NF1: variants seen among roughly 807,000 people sequenced by gnomAD.
The protein encoded by NF1 is neurofibromin.
In NF1, 122 loss-of-function variants were observed where a neutral mutation model predicts 325.7. The observed-to-expected ratio is 0.37, with a 90% CI of 0.32 to 0.44. The LOEUF is 0.44. Among genes scored for constraint, NF1 ranks in the 20% least tolerant of loss-of-function variants. The probability of loss-of-function intolerance (pLI) is 1.00; values close to 1 mark genes in which losing one functional copy is unlikely to be tolerated. For synonymous variants in NF1, 1,091 were observed against 1,186.0 expected (o/e 0.92, Z 1.65); for missense variants, 2,140 against 3,415.4 (o/e 0.63, Z 9.31).
chr17:31,353,424 G>A (rs2070201660), intron 51 of NF1, among the ~76,000 whole-genome samples: 1 of 152,158 alleles, frequency 6.6e-6, no homozygotes, highest in Admixed American at 6.5e-5. Context: ...TCGAGTCCAG[G>A]AGTTCAAGAC....
chr17:31,330,901 CA>C (rs2069468524), intron 39 of NF1: 1 of 181,054 alleles, frequency 5.5e-6, no homozygotes, highest in Non-Finnish European at 1.2e-5. Flanking sequence ...TGACTTTGAA[CA>C]ATGAATTTAT....
intron 36 of NF1, chr17:31,296,371 T>A: frequency 6.2e-7 from 1 of 1,612,686 alleles, no homozygotes; most frequent in Non-Finnish European, 8.5e-7. Flanking sequence ...TCTTTTAATA[T>A]GCAAATACAG....
At chr17:31,125,581 G>A (rs1914808202) in intron 1 of NF1, among the ~76,000 whole-genome samples, 1 of 151,682 alleles carries the variant, frequency 6.6e-6, no homozygotes, top group Non-Finnish European at 1.5e-5. Context: ...TTCTCCCCCA[G>A]GCTGGAGTGT....
intron 36 of NF1, among the ~76,000 whole-genome samples, chr17:31,322,500 T>TAAAAAAAA (rs2069231184): frequency 4.6e-5 from 1 of 21,622 alleles, no homozygotes; most frequent in Non-Finnish European, 7.0e-5. Context: ...AGACTCTGTC[T>TAAAAAAAA]CAAAAAAAAA....
intron 47 of NF1, among the ~76,000 whole-genome samples, chr17:31,341,617 G>GTGTGTGTGTGTGTA (rs35130430): frequency 0.2 from 30,255 of 148,112 alleles, 3,615 homozygotes; most frequent in Middle Eastern, 0.29. Flanking sequence ...GTGTGTGTGT[G>GTGTGTGTGTGTGTA]TGTACACACA....
rs760528229 is a variant in NF1, at chr17:31,340,535, G to T, written c.6952G>T (p.Val2318Leu). 3 of 1,614,144 alleles carry T rather than the reference G, an allele frequency of 1.9e-6. No individual in the cohort carries two copies. The highest frequency in any genetic ancestry group is 2.5e-6 in the Non-Finnish European group (3 of 1,180,018). The change falls in exon 47 of 58, where the codon GTA becomes TTA. Residue 2318 changes from valine to leucine, a missense_variant. Around this residue, in one of 10 missense-constraint regions of NF1, gnomAD observed 522 missense variants for 749.0 expected, o/e 0.70. Coordinates refer to ENST00000358273, the MANE Select transcript of NF1 (RefSeq NM_001042492.3). ...DSPLHKALFW[V>L]AVAVLQLDEV... is the part of the protein sequence containing the mutation. ...GCCTCTGCACAAAGCCCTCTTTTGG[G>T]TAGCTGTGGCTGTGCTGCAGCTTGA...
At chr17:31,248,220 C>CCCCCAA (rs2067432337) in intron 29 of NF1, among the ~76,000 whole-genome samples, 1 of 126,196 alleles carries the variant, frequency 7.9e-6, no homozygotes, top group Non-Finnish European at 1.7e-5. Flanking sequence ...CACCCCCCAC[C>CCCCCAA]AAAAAAAAAA....
At chr17:31,361,553 G>A (rs972048591) in intron 57 of NF1, 1 of 152,082 alleles carries the variant, frequency 6.6e-6, no homozygotes, top group African/African-American at 2.4e-5. Context: ...CTTCTAAAAT[G>A]GTTAAAAATA....
intron 30 of NF1, 132 bp downstream of exon 30, chr17:31,249,251 A>G (rs2067453842): frequency 1.9e-6 from 2 of 1,055,050 alleles, no homozygotes; most frequent in African/African-American, 1.6e-5. Flanking sequence ...TGAATAATAC[A>G]TTGAGAATTG....
chr17:31,295,173 G>T, intron 36 of NF1: 1 of 1,614,150 alleles, frequency 6.2e-7, no homozygotes, highest in Non-Finnish European at 8.5e-7. Context: ...AAATTATTTG[G>T]CATGCCACTA....
At chr17:31,179,165 T>G (rs1356843913) in intron 5 of NF1, among the ~76,000 whole-genome samples, 1 of 152,142 alleles carries the variant, frequency 6.6e-6, no homozygotes. Context: ...ACAAAGACTC[T>G]CAGACCACAG....
chr17:31,294,913 T>A (rs2068428120), intron 36 of NF1: 6 of 1,534,274 alleles, frequency 3.9e-6, no homozygotes, highest in Non-Finnish European at 5.4e-6. Flanking sequence ...TCTTGAATAC[T>A]TAAATATAGC....
At chr17:31,274,730 G>GGTAATAGTAATAGTAATAGTAATA (rs68037843) in intron 36 of NF1, among the ~76,000 whole-genome samples, 8 of 150,664 alleles carry the variant, frequency 5.3e-5, no homozygotes, top group African/African-American at 1.7e-4. Flanking sequence ...GTATATAGTT[G>GGTAATAGTAATAGTAATAGTAATA]GTAATAGTAA....
chr17:31,117,156 T>A (rs1309460524), intron 1 of NF1, among the ~76,000 whole-genome samples: 1 of 151,472 alleles, frequency 6.6e-6, no homozygotes, highest in Non-Finnish European at 1.5e-5. Flanking sequence ...AATTTTTGTA[T>A]TTTTAGTAGG....
At chr17:31,310,875 A>T (rs2068854796) in intron 36 of NF1, among the ~76,000 whole-genome samples, 1 of 151,950 alleles carries the variant, frequency 6.6e-6, no homozygotes, top group Non-Finnish European at 1.5e-5. Flanking sequence ...AAAAAGAAAA[A>T]CATAAATTTA....
intron 29 of NF1, among the ~76,000 whole-genome samples, chr17:31,242,060 C>T (rs979947231): frequency 6.6e-6 from 1 of 151,606 alleles, no homozygotes; most frequent in Non-Finnish European, 1.5e-5. Context: ...TATGTCATGC[C>T]ACTCTCTCCT....
At chr17:31,158,699 A>G (rs1410986170) in intron 2 of NF1, among the ~76,000 whole-genome samples, 1 of 152,124 alleles carries the variant, frequency 6.6e-6, no homozygotes, top group Non-Finnish European at 1.5e-5. Flanking sequence ...TAAATCCCCA[A>G]TTCAAGATTC....
intron 36 of NF1, among the ~76,000 whole-genome samples, chr17:31,311,912 A>G (rs1051101430): frequency 2.0e-5 from 3 of 152,208 alleles, no homozygotes; most frequent in African/African-American, 7.2e-5. Flanking sequence ...CGTAAATAAC[A>G]CTTGTAGGTA....
chr17:31,326,178 G>T lies in NF1; in HGVS notation c.5194G>T (p.Ala1732Ser), dbSNP rs2069336671. ...ACAGAAACTACCTGCTGCCACCTTG[G>T]CTTTAGAAGAGGACCTGAAGGTATT... ...EQQKLPAATL[A>S]LEEDLKVFHN... The change falls in exon 37 of 58, where the codon GCT (alanine) becomes TCT (serine). Residue 1732 changes from alanine to serine, a missense_variant. Physicochemically the swap from Ala to Ser is moderately conservative, Grantham distance 99. Around this residue, in one of 10 missense-constraint regions of NF1, gnomAD observed 147 missense variants for 186.7 expected, o/e 0.79. Transcript: ENST00000358273. 6.2e-7 allele frequency: 1 copy of T among 1,613,300 alleles called. No individual in the cohort carries two copies. The highest frequency in any genetic ancestry group is 1.7e-5 in the Admixed American group (1 of 59,944).
Sources: allele counts gnomAD v4.1 joint callset (sites outside exome capture counted in the v4.1 genomes callset), GRCh38; gene constraint gnomAD v4.1.1; regional missense constraint gnomAD v4.1.1; transcripts MANE v1.5; gene names NCBI Gene and HGNC (gene_info 2026-07-23, HGNC 2026-07-21).